TAF1B: variants seen among roughly 807,000 people sequenced by gnomAD.
TAF1B encodes TATA box-binding protein-associated factor RNA polymerase I subunit B.
A neutral mutation model predicts 83.9 loss-of-function variants in TAF1B; 61 were observed. The ratio of observed to expected loss-of-function variants is 0.73; its 90% confidence interval spans 0.59 to 0.90. TAF1B has a LOEUF of 0.90. TAF1B is among the 40% of genes least tolerant of loss of function. TAF1B has a pLI of 0.00. For synonymous variants in TAF1B, 221 were observed against 224.6 expected, an observed-to-expected ratio of 0.98 and a Z score of 0.14; for missense variants, 625 against 677.0, an observed-to-expected ratio of 0.92 and a Z score of 0.85.
At chr2:9,863,302 C>T (rs928647851) in intron 5 of TAF1B, among the ~76,000 whole-genome samples, 3 of 152,198 alleles carry the variant, frequency 2.0e-5, no homozygotes, top group Non-Finnish European at 4.4e-5. Flanking sequence ...TAATCCTAGT[C>T]TCTGATAAAA....
At chr2:9,861,078 T>C (rs1663737410) in intron 5 of TAF1B, among the ~76,000 whole-genome samples, 1 of 152,140 alleles carries the variant, frequency 6.6e-6, no homozygotes, top group Admixed American at 6.6e-5. Context: ...TTCATCTCAC[T>C]GGGGAGTGCG....
intron 4 of TAF1B, chr2:9,851,895 C>A (rs991805584): frequency 1.6e-6 from 1 of 608,852 alleles, no homozygotes; most frequent in Admixed American, 2.1e-5. Flanking sequence ...ACAGGTTAAA[C>A]AAAGTAAAAC....
At position 9,931,080 on chromosome 2, in the gene TAF1B, C is replaced by T. The variant is rs959748040; in HGVS notation, c.1566-2703C>T. Among the ~76,000 whole-genome samples the T allele has an allele frequency of 3.9e-5, 6 of 152,188 alleles. No homozygotes were observed. In the South Asian group the frequency reaches 1.2e-3, roughly 32 times the overall value. The stretch of plus-strand genomic sequence containing the variant: ...GTGTGTCTCTGCATGTGAGATGGGT[C>T]TCCTGAATACAGCACACTGATGGGT... On this transcript the variant is annotated intron_variant, in intron 14 of 14. Transcript: ENST00000263663.
intron 10 of TAF1B, among the ~76,000 whole-genome samples, 184 bp downstream of exon 10, chr2:9,911,097 A>G (rs1160790029): frequency 2.0e-5 from 3 of 152,248 alleles, no homozygotes; most frequent in East Asian, 3.8e-4. Flanking sequence ...AACATTGACT[A>G]GTAGTCACAA....
chr2:9,854,396 T>A lies in TAF1B; in HGVS notation c.374T>A (p.Val125Asp). 1 of 1,613,950 alleles carries A rather than the reference T, an allele frequency of 6.2e-7. No individual in the cohort carries two copies. Among genetic ancestry groups the A allele is most frequent in the Non-Finnish European group, 8.5e-7 (1 of 1,179,880 alleles). Residue 125 changes from valine (V) to aspartate (D), a missense_variant, in exon 5 of 15, where the codon GTT becomes GAT. Coordinates refer to ENST00000263663, the MANE Select transcript of TAF1B (RefSeq NM_005680.3). Reference protein sequence around the residue: ...KSKQAYCKNPVYTTGRKPTVL... With the variant: ...KSKQAYCKNPDYTTGRKPTVL... ...AAGCAGGCATATTGTAAGAACCCAG[T>A]TTATACCACTGGAAGGAAACCTACG...
chr2:9,854,402 C>T lies in TAF1B; in HGVS notation c.380C>T (p.Thr127Ile), dbSNP rs370063775. ...KQAYCKNPVY[T>I]TGRKPTVLED... ...GCATATTGTAAGAACCCAGTTTATA[C>T]CACTGGAAGGAAACCTACGGTAAGT... The change falls in exon 5 of 15, where the codon ACC becomes ATC. Residue 127 changes from threonine to isoleucine, a missense_variant. By Grantham distance (89) the Thr-to-Ile change is moderately conservative. Transcript: ENST00000263663. 3 of 1,613,458 alleles carry T rather than the reference C, an allele frequency of 1.9e-6. No homozygotes were observed. Among genetic ancestry groups the T allele is most frequent in the African/African-American group, 2.7e-5 (2 of 74,876 alleles).
chr2:9,845,695 G>A, intron 2 of TAF1B: 1 of 257,462 alleles, frequency 3.9e-6, no homozygotes, highest in Non-Finnish European at 7.6e-6. Context: ...GAAAACTTGA[G>A]GACTGGGCCG....
intron 9 of TAF1B, among the ~76,000 whole-genome samples, chr2:9,909,994 CATT>C (rs959817089): frequency 7.2e-5 from 11 of 152,090 alleles, no homozygotes; most frequent in African/African-American, 2.7e-4. Flanking sequence ...CATGCAAGCT[CATT>C]ATCTCTTATA....
At chr2:9,894,450 A>G (rs1018637677) in intron 8 of TAF1B, among the ~76,000 whole-genome samples, 1 of 152,176 alleles carries the variant, frequency 6.6e-6, no homozygotes, top group African/African-American at 2.4e-5. Context: ...GCTTGTTAGC[A>G]AGGACATTTA....
At position 9,933,881 on chromosome 2, in the gene TAF1B, C is replaced by G. The variant is rs775631879; in HGVS notation, c.1664C>G (p.Ser555Cys). ...LFSFLLRIKT[S>C]LLHEEVSLVE... ...TCCTTCCTGCTCAGAATAAAGACTT[C>G]CCTTCTCCATGAAGAAGTGAGCTTA... Residue 555 changes from serine to cysteine, a missense_variant, in exon 15 of 15, where the codon TCC (serine) becomes TGC (cysteine). Ser to Cys is a moderately radical substitution (Grantham distance 112). Transcript: ENST00000263663. 1 of 1,613,672 alleles carries G rather than the reference C, an allele frequency of 6.2e-7. No individual in the cohort carries two copies. Among genetic ancestry groups the G allele is most frequent in the South Asian group, 1.1e-5 (1 of 91,064 alleles).
chr2:9,879,008 A>G (rs1664408999), intron 7 of TAF1B, among the ~76,000 whole-genome samples: 1 of 152,230 alleles, frequency 6.6e-6, no homozygotes, highest in Admixed American at 6.5e-5. Flanking sequence ...CCTTAAATGA[A>G]AATAGAGCCA....
rs1664061156 is a variant in TAF1B, at chr2:9,868,365, A to G, written c.489A>G (p.Gly163=). 5 of 1,614,052 alleles carry G rather than the reference A, an allele frequency of 3.1e-6. No homozygotes were observed. In the South Asian group the frequency reaches 3.3e-5, roughly 11 times the overall value. ...GCTGTCCTCCTTTTCTTGAAAGTGGAGCGGAGTCTCAGTCTGACATCCACA... is the reference window on the plus strand; with the variant it reads ...GCTGTCCTCCTTTTCTTGAAAGTGGGGCGGAGTCTCAGTCTGACATCCACA... ...DVSCPPFLES[G]AESQSDIHTR... The change falls in exon 6 of 15, where the codon GGA becomes GGG. Residue 163 remains glycine (G), a synonymous_variant. Transcript: ENST00000263663.
At chr2:9,929,914 A>G (rs1666161197) in intron 14 of TAF1B, among the ~76,000 whole-genome samples, 1 of 152,168 alleles carries the variant, frequency 6.6e-6, no homozygotes, top group African/African-American at 2.4e-5. Context: ...TTAGTCTTGG[A>G]AAGGTGTACA....
intron 11 of TAF1B, among the ~76,000 whole-genome samples, chr2:9,912,213 A>G (rs1239090664): frequency 6.6e-6 from 1 of 152,074 alleles, no homozygotes; most frequent in Non-Finnish European, 1.5e-5. Context: ...TGATAGACAG[A>G]TAGACAAGTG....
intron 14 of TAF1B, among the ~76,000 whole-genome samples, chr2:9,926,059 C>G (rs1202410150): frequency 6.6e-6 from 1 of 152,100 alleles, no homozygotes; most frequent in Non-Finnish European, 1.5e-5. Context: ...CCCCCCGTCT[C>G]TGTCACTCAA....
chr2:9,868,707 G>T (rs1243874659), intron 6 of TAF1B: 1 of 574,326 alleles, frequency 1.7e-6, no homozygotes, highest in East Asian at 4.4e-5. Context: ...GGCTGCTTCA[G>T]AAAGATCTAT....
At chr2:9,855,554 GC>G (rs1663538521) in intron 5 of TAF1B, among the ~76,000 whole-genome samples, 1 of 152,054 alleles carries the variant, frequency 6.6e-6, no homozygotes, top group African/African-American at 2.4e-5. Context: ...GGTGACACAT[GC>G]CCTATATAGT....
chr2:9,919,898 A>C, intron 14 of TAF1B, 78 bp downstream of exon 14: 1 of 1,381,410 alleles, frequency 7.2e-7, no homozygotes, highest in East Asian at 2.5e-5. Flanking sequence ...TTTTGTTGGA[A>C]TTAGAAGCTG....
intron 14 of TAF1B, among the ~76,000 whole-genome samples, chr2:9,927,406 A>T (rs1349527932): frequency 2.0e-5 from 3 of 152,232 alleles, no homozygotes; most frequent in Non-Finnish European, 4.4e-5. Context: ...TCACTGGGTC[A>T]AACTGTATTT....
Sources: gnomAD v4.1 joint callset for allele counts (sites outside exome capture counted in the v4.1 genomes callset) on GRCh38, gnomAD v4.1.1 for gene constraint, MANE v1.5 for transcripts, NCBI Gene and HGNC (gene_info 2026-07-23, HGNC 2026-07-21) for gene names.